PERP: variants seen among roughly 807,000 people sequenced by gnomAD.
The protein encoded by PERP is p53 apoptosis effector related to PMP-22.
Under a neutral mutation model 20.3 loss-of-function variants are expected in PERP, and 11 were observed. The observed-to-expected ratio is 0.54, with a 90% confidence interval of 0.34 to 0.90. The LOEUF (loss-of-function observed/expected upper bound fraction) is 0.90, where lower values mean the gene tolerates loss of function less well. PERP is among the 40% of genes least tolerant of loss of function. PERP has a pLI of 0.02. For synonymous variants in PERP, 101 were observed against 102.0 expected (o/e 0.99, Z 0.06); for missense variants, 224 against 249.4 (o/e 0.90, Z 0.69).
intron 2 of PERP, among the ~76,000 whole-genome samples, chr6:138,095,009 C>A (rs557126277): frequency 6.6e-6 from 1 of 152,296 alleles, no homozygotes; most frequent in Non-Finnish European, 1.5e-5. Flanking sequence ...GCATGAGCCA[C>A]CACACCTGGC....
At position 138,107,034 on chromosome 6, in the gene PERP, C is replaced by T; in HGVS notation, c.214+93G>A. The T allele has an allele frequency of 1.5e-6, 2 of 1,300,558 alleles. No individual in the cohort carries two copies. The highest frequency in any genetic ancestry group is 2.8e-5 in the South Asian group (2 of 71,442). The allele number at this position is 1,300,558 out of a possible 1,614,324, so 80.6% of individuals were successfully genotyped here. ...TTCTGAAAAGCACTGGCTCCCCCGA[C>T]CCTGTGAGGGCCCATCACGCGCGGC... On this transcript the variant is annotated intron_variant, in intron 1 of 2. Coordinates refer to ENST00000421351, the MANE Select transcript of PERP (RefSeq NM_022121.5). The surrounding 1 kb of genome is among the most constrained non-coding windows in gnomAD (Gnocchi z 4.8).
At chr6:138,094,763 C>A (rs1284486513) in intron 2 of PERP, among the ~76,000 whole-genome samples, 1 of 152,020 alleles carries the variant, frequency 6.6e-6, no homozygotes, top group Non-Finnish European at 1.5e-5. Context: ...GCTCTGTCAC[C>A]CAGGCTGGAG....
chr6:138,105,581 T>G (rs1208049073), intron 1 of PERP, among the ~76,000 whole-genome samples: 2 of 152,346 alleles, frequency 1.3e-5, no homozygotes, highest in African/African-American at 4.8e-5. Flanking sequence ...GTCCCGTCAG[T>G]AGCACTGATC....
intron 1 of PERP, among the ~76,000 whole-genome samples, chr6:138,100,542 T>TTG (rs58385691): frequency 0.043 from 6,259 of 146,182 alleles, 137 homozygotes; most frequent in East Asian, 0.081. Context: ...TATACCAGAT[T>TTG]TGTGTGTGTG....
rs1775573248 is a variant in PERP, at chr6:138,091,172, G to A, written c.*870C>T. Reference sequence around the variant, plus strand: ...GAGGCTGTTTTAGTGGCACTTTTGTGACAAGAATGACCCTCCTAATGCTTT... The same window carrying A: ...GAGGCTGTTTTAGTGGCACTTTTGTAACAAGAATGACCCTCCTAATGCTTT... On this transcript the variant is annotated 3_prime_UTR_variant, in exon 3 of 3. Transcript: ENST00000421351. 6.6e-6 allele frequency: 1 copy of A among 150,504 alleles called. No homozygotes were observed. Among genetic ancestry groups the A allele is most frequent in the African/African-American group, 2.4e-5 (1 of 41,164 alleles). The allele number at this position is 150,504 out of a possible 1,614,324, so 9.3% of individuals were successfully genotyped here. A position where few individuals can be genotyped will look rare whatever the true frequency, so the allele number is the denominator to read the frequency against.
chr6:138,090,846 C>T lies in PERP; in HGVS notation c.*1196G>A, dbSNP rs1439461011. 6.6e-6 allele frequency: 1 copy of T among 152,430 alleles called. No individual in the cohort carries two copies. Among genetic ancestry groups the T allele is most frequent in the Non-Finnish European group, 1.5e-5 (1 of 68,002 alleles). 9.4% of individuals were successfully genotyped at this position (152,430 alleles called of 1,614,324 possible). A position where few individuals can be genotyped will look rare whatever the true frequency, so the allele number is the denominator to read the frequency against. The stretch of plus-strand genomic sequence containing the variant: ...TGAAAACTACAATTAGCTTTTTCCA[C>T]AACTTACAAAATAATAATCTGATAT... On this transcript the variant is annotated 3_prime_UTR_variant, in exon 3 of 3. Transcript: ENST00000421351.
In PERP at chr6:138,099,879, A is replaced by G. The variant is rs539198099; in HGVS notation, c.215-3385T>C. On this transcript the variant is annotated intron_variant, in intron 1 of 2. Coordinates refer to ENST00000421351, the MANE Select transcript of PERP (RefSeq NM_022121.5). ...TTCCCATGCTATCTTAACACGACTC[A>G]GTTCATGTCTTGCTTATTTAAAGTG... 4.6e-5 allele frequency among the ~76,000 whole-genome samples: 7 copies of G among 152,354 alleles called. No individual in the cohort carries two copies. The East Asian group carries it at 1.2e-3, about 25-fold the overall frequency.
intron 1 of PERP, among the ~76,000 whole-genome samples, chr6:138,100,741 T>C (rs1775758896): frequency 6.6e-6 from 1 of 152,214 alleles, no homozygotes; most frequent in Admixed American, 6.5e-5. Context: ...TTTGGTGTCC[T>C]AACTTTATTT....
rs1280358912 is a variant in PERP, at chr6:138,092,102, G to C, written c.522C>G (p.Pro174=). 2 of 1,614,128 alleles carry C rather than the reference G, an allele frequency of 1.2e-6. No individual in the cohort carries two copies. The highest frequency in any genetic ancestry group is 2.2e-5 in the East Asian group (1 of 44,886). Residue 174 remains proline (P), a synonymous_variant, in exon 3 of 3, where the codon CCC becomes CCG. Coordinates refer to ENST00000421351, the MANE Select transcript of PERP (RefSeq NM_022121.5). ...TGCCCAGAAGGTCATCTTCGTAGTT[G>C]GGGAGGCAGCAGAAGAAGAAGGCAC... ...IGCAFFFCCL[P]NYEDDLLGNA...
In PERP at chr6:138,107,359, G is replaced by T. The variant is rs771032649; in HGVS notation, c.-19C>A. On this transcript the variant is annotated 5_prime_UTR_variant, in exon 1 of 3. Transcript: ENST00000421351. This position sits in a 1 kb window ranked among gnomAD's most constrained non-coding sequence, Gnocchi z 4.8. ...GGATCATGTTGACGGGCGGCGCGGGGCCGAGCGGAGCGGAGCGGAGCGGGT... is the reference window on the plus strand; with the variant it reads ...GGATCATGTTGACGGGCGGCGCGGGTCCGAGCGGAGCGGAGCGGAGCGGGT... 7 of 1,569,034 alleles carry T rather than the reference G, an allele frequency of 4.5e-6. No individual in the cohort carries two copies. Among genetic ancestry groups the T allele is most frequent in the Non-Finnish European group, 6.0e-6 (7 of 1,163,740 alleles).
Position 138,091,266 on chromosome 6 carries a change from C to T in PERP, c.*776G>A, listed in dbSNP as rs773068692. 2 of 152,230 alleles carry T rather than the reference C, an allele frequency of 1.3e-5. No individual in the cohort carries two copies. The highest frequency in any genetic ancestry group is 2.9e-5 in the Non-Finnish European group (2 of 68,048). The allele number at this position is 152,230 out of a possible 1,614,324, so 9.4% of individuals were successfully genotyped here. A position where few individuals can be genotyped will look rare whatever the true frequency, so the allele number is the denominator to read the frequency against. On this transcript the variant is annotated 3_prime_UTR_variant, in exon 3 of 3. Coordinates refer to ENST00000421351, the MANE Select transcript of PERP (RefSeq NM_022121.5). Reference sequence around the variant, plus strand: ...CCAGTCCATCTTTCAATCCAGTCTACTCTGGTTCTGAACATATAAACACAA... The same window carrying T: ...CCAGTCCATCTTTCAATCCAGTCTATTCTGGTTCTGAACATATAAACACAA...
chr6:138,107,099 G>C lies in PERP; in HGVS notation c.214+28C>G, dbSNP rs1209590296. 1 of 1,574,408 alleles carries C rather than the reference G, an allele frequency of 6.4e-7. No individual in the cohort carries two copies. Among genetic ancestry groups the C allele is most frequent in the Admixed American group, 1.8e-5 (1 of 55,736 alleles). Reference sequence around the variant, plus strand: ...GCGGCCCCGAGGGCTTCCTGGAGGCGGCGACGGCGGCGGCGGCGGGCACTC... The same window carrying C: ...GCGGCCCCGAGGGCTTCCTGGAGGCCGCGACGGCGGCGGCGGCGGGCACTC... On this transcript the variant is annotated intron_variant, in intron 1 of 2. Transcript: ENST00000421351. The surrounding 1 kb of genome is among the most constrained non-coding windows in gnomAD (Gnocchi z 4.8).
chr6:138,105,559 A>C (rs1476622365), intron 1 of PERP, among the ~76,000 whole-genome samples: 3 of 152,254 alleles, frequency 2.0e-5, no homozygotes. Flanking sequence ...AGAGCCCTGC[A>C]GGTCAAATCA....
At chr6:138,093,027 A>G (rs369128172) in intron 2 of PERP, among the ~76,000 whole-genome samples, 4 of 152,372 alleles carry the variant, frequency 2.6e-5, no homozygotes, top group African/African-American at 9.6e-5. Context: ...TAATAGTCAC[A>G]TTATTACAAT....
intron 2 of PERP, 100 bp from the exon 3 acceptor site, chr6:138,092,368 T>A: frequency 9.4e-7 from 1 of 1,062,768 alleles, no homozygotes; most frequent in Non-Finnish European, 1.4e-6. Flanking sequence ...AGTTTCTGCC[T>A]TGAAATAAGT....
Position 138,107,376 on chromosome 6 carries a change from G to A in PERP, c.-36C>T. The A allele has an allele frequency of 6.7e-7, 1 of 1,490,314 alleles. No individual in the cohort carries two copies. The highest frequency in any genetic ancestry group is 8.9e-7 in the Non-Finnish European group (1 of 1,124,674). The allele number at this position is 1,490,314 out of a possible 1,614,324, so 92.3% of individuals were successfully genotyped here. A position where few individuals can be genotyped will look rare whatever the true frequency, so the allele number is the denominator to read the frequency against. ...GGCGCGGGGCCGAGCGGAGCGGAGC[G>A]GAGCGGGTCGGAGGAGCGCGCGGGA... On this transcript the variant is annotated 5_prime_UTR_variant, in exon 1 of 3. Transcript: ENST00000421351. The surrounding 1 kb of genome is among the most constrained non-coding windows in gnomAD (Gnocchi z 4.8).
chr6:138,107,379 G>A lies in PERP; in HGVS notation c.-39C>T, dbSNP rs1415125959. On this transcript the variant is annotated 5_prime_UTR_variant, in exon 1 of 3. Transcript: ENST00000421351. The surrounding 1 kb of genome is among the most constrained non-coding windows in gnomAD (Gnocchi z 4.8). The stretch of plus-strand genomic sequence containing the variant: ...GCGGGGCCGAGCGGAGCGGAGCGGA[G>A]CGGGTCGGAGGAGCGCGCGGGACGG... 9 of 1,485,430 alleles carry A rather than the reference G, an allele frequency of 6.1e-6. No homozygotes were observed. The highest frequency in any genetic ancestry group is 8.0e-6 in the Non-Finnish European group (9 of 1,122,170). The allele number at this position is 1,485,430 out of a possible 1,614,324, so 92.0% of individuals were successfully genotyped here.
rs648396 is a variant in PERP, at chr6:138,092,132, A to G, written c.492T>C (p.Ile164=). The change falls in exon 3 of 3, where the codon ATT becomes ATC. Residue 164 remains isoleucine, a synonymous_variant. Transcript: ENST00000421351. The stretch of plus-strand genomic sequence containing the variant: ...GGCAGCAGAAGAAGAAGGCACAGCC[A>G]ATCAGGATAATCGTGGCTGCCCACC... The part of the protein sequence containing the change: ...GFGWAATIIL[I]GCAFFFCCLP... The G allele has an allele frequency of 0.56, 906,893 of 1,613,550 alleles. 257,640 individuals are homozygous for G. The highest frequency in any genetic ancestry group is 0.74 in the South Asian group (67,018 of 91,070).
Position 138,107,084 on chromosome 6 carries a change from G to A in PERP, c.214+43C>T. 1 of 1,567,046 alleles carries A rather than the reference G, an allele frequency of 6.4e-7. No individual in the cohort carries two copies. The highest frequency in any genetic ancestry group is 2.3e-5 in the East Asian group (1 of 44,142). On this transcript the variant is annotated intron_variant, in intron 1 of 2. Transcript: ENST00000421351. The surrounding 1 kb of genome is among the most constrained non-coding windows in gnomAD (Gnocchi z 4.8). ...CGGCTTTTGCAGGCCGCGGCCCCGAGGGCTTCCTGGAGGCGGCGACGGCGG... is the reference window on the plus strand; with the variant it reads ...CGGCTTTTGCAGGCCGCGGCCCCGAAGGCTTCCTGGAGGCGGCGACGGCGG...
Sources: allele counts gnomAD v4.1 joint callset (sites outside exome capture counted in the v4.1 genomes callset), GRCh38; gene constraint gnomAD v4.1.1; non-coding constraint Gnocchi (gnomAD v3.1); transcripts MANE v1.5; gene names NCBI Gene and HGNC (gene_info 2026-07-23, HGNC 2026-07-21).